Variants in SART3 observed in about 807,000 individuals in gnomAD.
The protein encoded by SART3 is spliceosome associated factor 3, U4/U6 recycling protein.
In SART3, 44 loss-of-function variants were observed where a neutral mutation model predicts 122.3. That is an observed-to-expected ratio of 0.36 (90% CI 0.28 to 0.46). SART3 has a LOEUF of 0.46. Ranked by LOEUF, SART3 falls within the 20% of genes least tolerant of loss-of-function variation. The probability of loss-of-function intolerance (pLI) is 1.00; values close to 1 mark genes in which losing one functional copy is unlikely to be tolerated. For synonymous variants in SART3, 442 were observed against 454.0 expected (o/e 0.97, Z 0.34); for missense variants, 1,101 against 1,229.0 (o/e 0.90, Z 1.56).
In SART3 at chr12:108,531,189, A is replaced by C; in HGVS notation, c.1746+15T>G. ...AGCTACCAGAGGTGCCAAAGACTTC[A>C]AACATTGTCATTACCTTCATTCTCT... On this transcript the variant is annotated intron_variant, in intron 14 of 18. Coordinates refer to ENST00000546815, the MANE Select transcript of SART3 (RefSeq NM_014706.4). The C allele has an allele frequency of 6.2e-7, 1 of 1,612,960 alleles. No individual in the cohort carries two copies. Among genetic ancestry groups the C allele is most frequent in the Non-Finnish European group, 8.5e-7 (1 of 1,179,030 alleles).
intron 1 of SART3, chr12:108,549,456 T>A (rs1337652615): frequency 2.1e-6 from 1 of 481,782 alleles, no homozygotes; most frequent in Non-Finnish European, 3.8e-6. Flanking sequence ...GACATTTGGG[T>A]TCTCTTGGAA....
Position 108,536,494 on chromosome 12 carries a change from G to C in SART3, c.1446+20C>G. The C allele has an allele frequency of 6.2e-7, 1 of 1,612,260 alleles. No individual in the cohort carries two copies. The highest frequency in any genetic ancestry group is 1.1e-5 in the South Asian group (1 of 91,042). On this transcript the variant is annotated intron_variant, in intron 11 of 18. Transcript: ENST00000546815. The stretch of plus-strand genomic sequence containing the variant: ...TAAACAATGATGGATGAAAGTGCTA[G>C]ATGTGTCAAAAACATTTACCTCAAT...
At chr12:108,557,215 T>TC (rs1469307101) in intron 1 of SART3, among the ~76,000 whole-genome samples, 1 of 143,202 alleles carries the variant, frequency 7.0e-6, no homozygotes, top group Non-Finnish European at 1.5e-5. Context: ...AGTTTTTTTT[T>TC]TTTTTTTTTT....
chr12:108,527,510 A>C (rs1316370055), intron 15 of SART3, among the ~76,000 whole-genome samples: 3 of 152,140 alleles, frequency 2.0e-5, no homozygotes. Flanking sequence ...TAACAATGCC[A>C]TCTCCCACAG....
chr12:108,557,743 C>G (rs1215013343), intron 1 of SART3, among the ~76,000 whole-genome samples: 1 of 152,218 alleles, frequency 6.6e-6, no homozygotes, highest in Non-Finnish European at 1.5e-5. Flanking sequence ...AGTCTCCGTA[C>G]TGCTGCACTG....
At chr12:108,535,691 C>T (rs778746679) in intron 11 of SART3, 14 of 561,098 alleles carry the variant, frequency 2.5e-5, no homozygotes, top group Non-Finnish European at 4.0e-5. Flanking sequence ...TCCTGAGAAC[C>T]GAGAGAGGGA....
rs148140770 is a variant in SART3, at chr12:108,524,469, G to A, written c.2561C>T (p.Ala854Val). 1.6e-5 allele frequency: 26 copies of A among 1,614,022 alleles called. No individual in the cohort carries two copies. Among genetic ancestry groups the A allele is most frequent in the South Asian group, 2.2e-5 (2 of 91,088 alleles). The change falls in exon 18 of 19, where the codon GCG (alanine) becomes GTG (valine). Residue 854 changes from alanine to valine, a missense_variant. Coordinates refer to ENST00000546815, the MANE Select transcript of SART3 (RefSeq NM_014706.4). ...GTCCATCTTCATCACAGCCTGCGAC[G>A]CCTGGGATTCATTTTCATACTCCAC... ...AYVEYENESQ[A>V]SQAVMKMDGM...
intron 12 of SART3, among the ~76,000 whole-genome samples, chr12:108,533,095 T>C (rs901461651): frequency 5.3e-5 from 8 of 152,156 alleles, no homozygotes; most frequent in East Asian, 1.9e-4. Context: ...TAATTATATA[T>C]ACATATTATG....
Position 108,522,925 on chromosome 12 carries a change from A to G in SART3, c.*532T>C, listed in dbSNP as rs1872193851. 1 of 160,752 alleles carries G rather than the reference A, an allele frequency of 6.2e-6. No individual in the cohort carries two copies. The highest frequency in any genetic ancestry group is 2.4e-5 in the African/African-American group (1 of 41,520). 10.0% of individuals were successfully genotyped at this position (160,752 alleles called of 1,614,324 possible). ...TGGCTGACATGTCATTTACAAACAC[A>G]TAATATAAAAATGCACAGCCCCATT... On this transcript the variant is annotated 3_prime_UTR_variant, in exon 19 of 19. Transcript: ENST00000546815.
At chr12:108,555,227 AC>A (rs1164533461) in intron 1 of SART3, among the ~76,000 whole-genome samples, 6 of 152,280 alleles carry the variant, frequency 3.9e-5, no homozygotes, top group Non-Finnish European at 8.8e-5. Context: ...TAAAAAAATT[AC>A]ATTTCTATAA....
intron 9 of SART3, chr12:108,537,101 G>A: frequency 2.2e-6 from 1 of 453,412 alleles, no homozygotes; most frequent in South Asian, 2.1e-5. Flanking sequence ...TGACATGAGT[G>A]TGCAAGTACA....
rs12319791 is a variant in SART3 at position 108,537,367 on chromosome 12, C to T, written c.1309+121G>A. On this transcript the variant is annotated intron_variant, in intron 9 of 18. Transcript: ENST00000546815. ...TGCTAAGATTTCTGGGGGAAAAAGT[C>T]ACCAATACCTAGTCTACATCATTTG... The T allele has an allele frequency of 7.8e-3, 5,847 of 746,472 alleles. 229 individuals are homozygous for T. In the African/African-American group the frequency reaches 0.089, roughly 11 times the overall value. The allele number at this position is 746,472 out of a possible 1,614,324, so 46.2% of individuals were successfully genotyped here. A position where few individuals can be genotyped will look rare whatever the true frequency, so the allele number is the denominator to read the frequency against.
intron 12 of SART3, among the ~76,000 whole-genome samples, chr12:108,534,911 T>G (rs1330665890): frequency 6.6e-6 from 1 of 152,222 alleles, no homozygotes; most frequent in Non-Finnish European, 1.5e-5. Flanking sequence ...TCAAATAGTT[T>G]TAAAGGCTTG....
intron 5 of SART3, among the ~76,000 whole-genome samples, chr12:108,543,382 T>C (rs979597780): frequency 2.0e-5 from 3 of 152,232 alleles, no homozygotes; most frequent in African/African-American, 7.2e-5. Context: ...ATGACACTAG[T>C]GGCAACGATT....
At position 108,561,092 on chromosome 12, in the gene SART3, C is replaced by T; in HGVS notation, c.63G>A (p.Lys21=). The change falls in exon 1 of 19, where the codon AAG becomes AAA. Residue 21 remains lysine (K), a synonymous_variant. Coordinates refer to ENST00000546815, the MANE Select transcript of SART3 (RefSeq NM_014706.4). ...TAACCTCATCCTCCTCTCCGTCAGCCTTGGGCCCAGCCTTGGACTCAGCCT... is the reference window on the plus strand; with the variant it reads ...TAACCTCATCCTCCTCTCCGTCAGCTTTGGGCCCAGCCTTGGACTCAGCCT... ...EPEAESKAGP[K]ADGEEDEVKA... 1 of 1,614,220 alleles carries T rather than the reference C, an allele frequency of 6.2e-7. No homozygotes were observed. Among genetic ancestry groups the T allele is most frequent in the African/African-American group, 1.3e-5 (1 of 75,068 alleles).
At chr12:108,534,037 C>T (rs1323664303) in intron 12 of SART3, among the ~76,000 whole-genome samples, 1 of 152,146 alleles carries the variant, frequency 6.6e-6, no homozygotes, top group Non-Finnish European at 1.5e-5. Flanking sequence ...GAGAATTTAG[C>T]TGTCTTCTCC....
Position 108,523,160 on chromosome 12 carries a change from G to T in SART3, c.*297C>A, listed in dbSNP as rs546791245. 4.1e-4 allele frequency: 208 copies of T among 501,830 alleles called. 1 individual carries two copies. Among genetic ancestry groups the T allele is most frequent in the Admixed American group, 2.7e-4 (8 of 29,772 alleles). 31.1% of individuals were successfully genotyped at this position (501,830 alleles called of 1,614,324 possible). A position where few individuals can be genotyped will look rare whatever the true frequency, so the allele number is the denominator to read the frequency against. On this transcript the variant is annotated 3_prime_UTR_variant, in exon 19 of 19. Coordinates refer to ENST00000546815, the MANE Select transcript of SART3 (RefSeq NM_014706.4). ...TTTGGACAACTGTGTCTCAAAAACA[G>T]TGTGTTCTCGTTTCGCTTCTGTGCC... is the stretch of plus-strand genomic sequence containing the variant.
chr12:108,534,266 T>C (rs1353422352), intron 12 of SART3, among the ~76,000 whole-genome samples: 1 of 152,180 alleles, frequency 6.6e-6, no homozygotes, highest in African/African-American at 2.4e-5. Context: ...TAAAAGTTTT[T>C]TGGGATCCTC....
chr12:108,532,294 G>A lies in SART3; in HGVS notation c.1597C>T (p.Arg533Trp), dbSNP rs759767239. The stretch of plus-strand genomic sequence containing the variant: ...TAGTCACTGGTGCACTGGACGGCCC[G>A]GTGCAGAGCCTTCCGGCAGTGCTGG... ...DTQHCRKALH[R>W]AVQCTSDYPE... Residue 533 changes from arginine (R) to tryptophan (W), a missense_variant, in exon 13 of 19, where the codon CGG becomes TGG. This residue lies in a region of SART3 where 885 missense variants were observed against 1,080.1 expected (regional missense o/e 0.82). Transcript: ENST00000546815. 37 of 1,613,996 alleles carry A rather than the reference G, an allele frequency of 2.3e-5. No homozygotes were observed. Among genetic ancestry groups the A allele is most frequent in the African/African-American group, 4.0e-5 (3 of 74,946 alleles).
Sources: gnomAD v4.1 joint callset for allele counts (sites outside exome capture counted in the v4.1 genomes callset) on GRCh38, gnomAD v4.1.1 for gene constraint, gnomAD v4.1.1 regional missense constraint, MANE v1.5 for transcripts, NCBI Gene and HGNC (gene_info 2026-07-23, HGNC 2026-07-21) for gene names.